Variants in SNX14 observed in about 807,000 individuals in gnomAD.
SNX14 encodes sorting nexin 14.
Under a neutral mutation model 133.8 loss-of-function variants are expected in SNX14, and 93 were observed. The ratio of observed to expected loss-of-function variants is 0.70; its 90% confidence interval spans 0.59 to 0.83. The LOEUF is 0.83. Among genes scored for constraint, SNX14 ranks in the 40% least tolerant of loss-of-function variants. The pLI is 0.00. For synonymous variants in SNX14, 368 were observed against 365.6 expected, an observed-to-expected ratio of 1.01 and a Z score of -0.07; for missense variants, 945 against 1,094.9, an observed-to-expected ratio of 0.86 and a Z score of 1.93.
chr6:85,527,714 C>T (rs1055679380), intron 20 of SNX14, among the ~76,000 whole-genome samples: 4 of 151,952 alleles, frequency 2.6e-5, no homozygotes, highest in African/African-American at 9.7e-5. Flanking sequence ...TACACCCATA[C>T]ATTTTAACAT....
At chr6:85,567,639 T>C in intron 4 of SNX14, 62 bp from the exon 5 acceptor site, 1 of 1,114,418 alleles carries the variant, frequency 9.0e-7, no homozygotes, top group Non-Finnish European at 1.3e-6. Flanking sequence ...AAATAAATGG[T>C]ACCATTTGGG....
At chr6:85,528,904 T>A (rs774784936) in intron 19 of SNX14, among the ~76,000 whole-genome samples, 12 of 116,416 alleles carry the variant, frequency 1.0e-4, no homozygotes, top group Non-Finnish European at 2.5e-4. Flanking sequence ...ACAAAAAAAT[T>A]AGCCAGGCGT....
chr6:85,583,546 CA>C (rs1419240705), intron 1 of SNX14, among the ~76,000 whole-genome samples: 1 of 152,220 alleles, frequency 6.6e-6, no homozygotes, highest in Non-Finnish European at 1.5e-5. Context: ...TAAGCAACTT[CA>C]GCAAAGTCTC....
intron 4 of SNX14, 118 bp downstream of exon 4, chr6:85,572,019 T>C: frequency 1.3e-6 from 1 of 763,180 alleles, no homozygotes. Context: ...GCCTCAGAAC[T>C]GATTTAAGTG....
chr6:85,508,807 G>A (rs1771713565), intron 26 of SNX14, among the ~76,000 whole-genome samples: 1 of 152,032 alleles, frequency 6.6e-6, no homozygotes, highest in Non-Finnish European at 1.5e-5. Flanking sequence ...GATCTCCACT[G>A]AATGCTTCCC....
At chr6:85,507,120 A>T in intron 28 of SNX14, 113 bp downstream of exon 28, 1 of 976,680 alleles carries the variant, frequency 1.0e-6, no homozygotes, top group East Asian at 2.6e-5. Context: ...TTAATTTTTT[A>T]AAGAACCACA....
chr6:85,515,819 G>A (rs930345928), intron 23 of SNX14, among the ~76,000 whole-genome samples: 1 of 151,656 alleles, frequency 6.6e-6, no homozygotes, highest in African/African-American at 2.4e-5. Flanking sequence ...TGGAAAACGG[G>A]AAAAACAACT....
chr6:85,565,466 G>A (rs1793512954), intron 5 of SNX14, 47 bp from the exon 6 acceptor site: 1 of 1,380,196 alleles, frequency 7.2e-7, no homozygotes, highest in Non-Finnish European at 1.0e-6. Context: ...GAGAAATACA[G>A]TTTCACCTTC....
chr6:85,587,898 A>G (rs762056883), intron 1 of SNX14, among the ~76,000 whole-genome samples: 2 of 152,236 alleles, frequency 1.3e-5, no homozygotes, highest in Non-Finnish European at 2.9e-5. Flanking sequence ...CCCTGGCCCA[A>G]ATGGTTTTAC....
chr6:85,512,308 T>C (rs150734699), intron 26 of SNX14, among the ~76,000 whole-genome samples: 1 of 152,126 alleles, frequency 6.6e-6, no homozygotes, highest in Non-Finnish European at 1.5e-5. Flanking sequence ...GTCAAGGCCC[T>C]GGAGGTAAAA....
chr6:85,536,230 A>C (rs1176440045), intron 17 of SNX14, among the ~76,000 whole-genome samples: 2 of 152,242 alleles, frequency 1.3e-5, no homozygotes, highest in African/African-American at 4.8e-5. Context: ...CATTTCAAGC[A>C]GGACAAAAAT....
chr6:85,588,754 G>A (rs1275760997), intron 1 of SNX14: 7 of 371,938 alleles, frequency 1.9e-5, no homozygotes, highest in South Asian at 1.3e-4. Flanking sequence ...GTAATAGTTG[G>A]TTAGTACTTA....
chr6:85,549,971 G>A, intron 7 of SNX14, 92 bp from the exon 8 acceptor site: 2 of 1,130,806 alleles, frequency 1.8e-6, no homozygotes, highest in Non-Finnish European at 1.2e-6. Context: ...CATGGGCTGG[G>A]CGTGGTGGCT....
chr6:85,563,900 T>A (rs1053121508), intron 6 of SNX14, among the ~76,000 whole-genome samples: 1 of 152,092 alleles, frequency 6.6e-6, no homozygotes, highest in Admixed American at 6.6e-5. Context: ...TAGGTATATC[T>A]CCTAATACTA....
chr6:85,519,667 G>A (rs910862377), intron 21 of SNX14, among the ~76,000 whole-genome samples: 6 of 151,956 alleles, frequency 3.9e-5, no homozygotes, highest in African/African-American at 1.2e-4. Flanking sequence ...TCAGGAGTTC[G>A]AGACCAGCCT....
chr6:85,537,859 G>GAA (rs879882989), intron 16 of SNX14, among the ~76,000 whole-genome samples: 5 of 152,136 alleles, frequency 3.3e-5, no homozygotes, highest in Non-Finnish European at 7.4e-5. Context: ...TGACACAGAA[G>GAA]AATCACTTGG....
At chr6:85,582,146 C>G (rs1289620468) in intron 1 of SNX14, among the ~76,000 whole-genome samples, 2 of 151,970 alleles carry the variant, frequency 1.3e-5, no homozygotes, top group African/African-American at 2.4e-5. Context: ...GCATCTGGCA[C>G]CAGATTTTTC....
At chr6:85,574,474 C>T (rs544971781) in intron 1 of SNX14, 96 bp from the exon 2 acceptor site, 13 of 805,736 alleles carry the variant, frequency 1.6e-5, no homozygotes, top group African/African-American at 8.9e-5. Context: ...TAAGCACCTA[C>T]AATATCAGAT....
intron 13 of SNX14, 40 bp from the exon 14 acceptor site, chr6:85,543,346 G>A: frequency 6.7e-7 from 1 of 1,490,670 alleles, no homozygotes; most frequent in Non-Finnish European, 9.0e-7. Flanking sequence ...TTTATAAATA[G>A]CATAAATATA....
Sources: gnomAD v4.1 joint callset for allele counts (sites outside exome capture counted in the v4.1 genomes callset) on GRCh38, gnomAD v4.1.1 for gene constraint, MANE v1.5 for transcripts, NCBI Gene and HGNC (gene_info 2026-07-23, HGNC 2026-07-21) for gene names.